The following CHSY3 variants were observed in gnomAD, a reference collection of about 807,000 sequenced individuals.
CHSY3 encodes the protein chondroitin sulfate synthase 3.
CHSY3 carries 35 observed loss-of-function variants against 67.2 expected under a neutral mutation model. That is an observed-to-expected ratio of 0.52 (90% CI 0.40 to 0.69). The LOEUF is 0.69. Ranked by LOEUF, CHSY3 falls within the 30% of genes least tolerant of loss-of-function variation. The pLI is 0.00. For synonymous variants in CHSY3, 474 were observed against 434.7 expected (o/e 1.09, Z -1.12); for missense variants, 1,069 against 1,138.5 (o/e 0.94, Z 0.88).
At chr5:130,176,880 TA>T (rs2149735250) in intron 2 of CHSY3, among the ~76,000 whole-genome samples, 1 of 152,204 alleles carries the variant, frequency 6.6e-6, no homozygotes, top group South Asian at 2.1e-4. Flanking sequence ...TTAGGATAAA[TA>T]CCTAATGTAG....
At chr5:130,042,536 A>T (rs1408358705) in intron 2 of CHSY3, among the ~76,000 whole-genome samples, 3 of 152,156 alleles carry the variant, frequency 2.0e-5, no homozygotes, top group Admixed American at 6.6e-5. Flanking sequence ...CAACCTGCAC[A>T]TATGAAACTA....
At position 130,048,123 on chromosome 5, in the gene CHSY3, T is replaced by G. The variant is rs909603594; in HGVS notation, c.1087-136106T>G. On this transcript the variant is annotated intron_variant, in intron 2 of 2. Coordinates refer to ENST00000305031, the MANE Select transcript of CHSY3 (RefSeq NM_175856.5). ...TACGGATTTAGTGTGTATATGTATG[T>G]GTATAGAGATGGGCTCTTCTGAGTT... is the stretch of plus-strand genomic sequence containing the variant. Among the ~76,000 whole-genome samples, 18 of 147,328 alleles carry G rather than the reference T, an allele frequency of 1.2e-4. 1 individual carries two copies. Among genetic ancestry groups the G allele is most frequent in the African/African-American group, 4.3e-4 (16 of 37,040 alleles).
chr5:130,053,379 A>C (rs1458101909), intron 2 of CHSY3, among the ~76,000 whole-genome samples: 5 of 152,120 alleles, frequency 3.3e-5, no homozygotes, highest in Admixed American at 2.6e-4. Flanking sequence ...TATAGGGTGA[A>C]ATGTAAGAAT....
chr5:130,021,477 A>G (rs2149654045), intron 2 of CHSY3, among the ~76,000 whole-genome samples: 1 of 152,306 alleles, frequency 6.6e-6, no homozygotes, highest in Admixed American at 6.5e-5. Flanking sequence ...GAAAATAAAA[A>G]AGAATTGTTT....
At chr5:130,057,239 C>CT (rs1181125544) in intron 2 of CHSY3, among the ~76,000 whole-genome samples, 1 of 151,778 alleles carries the variant, frequency 6.6e-6, no homozygotes, top group East Asian at 1.9e-4. Flanking sequence ...TTTAGCATTT[C>CT]TTTTTTTAAA....
At chr5:130,097,193 C>G (rs965797038) in intron 2 of CHSY3, among the ~76,000 whole-genome samples, 3 of 152,358 alleles carry the variant, frequency 2.0e-5, no homozygotes, top group Admixed American at 6.5e-5. Context: ...AGAATCGCCC[C>G]TCCAGGGCCC....
At chr5:130,030,751 A>G (rs1482514075) in intron 2 of CHSY3, among the ~76,000 whole-genome samples, 5 of 152,228 alleles carry the variant, frequency 3.3e-5, no homozygotes, top group African/African-American at 7.2e-5. Context: ...AAGTCAGGAC[A>G]GTTTTAAGAG....
chr5:130,006,755 T>G (rs1191758931), intron 2 of CHSY3, among the ~76,000 whole-genome samples: 1 of 152,174 alleles, frequency 6.6e-6, no homozygotes, highest in Middle Eastern at 3.2e-3. Context: ...ATACATTTAT[T>G]TTCAGTTGCA....
At chr5:130,140,346 G>T in intron 2 of CHSY3, 1 of 567,406 alleles carries the variant, frequency 1.8e-6, no homozygotes, top group South Asian at 2.0e-5. Flanking sequence ...TAGAATACAA[G>T]GGAGAGACAA....
Position 129,905,379 on chromosome 5 carries a change from C to T in CHSY3, c.550C>T (p.Leu184=). The change falls in exon 1 of 3, where the codon CTG becomes TTG. Residue 184 remains leucine, a synonymous_variant. Transcript: ENST00000305031. ...GGGGGTGATGACCGCGCAGAAGTAC[C>T]TGGGCAGCCGCGCGCTGGCCGCGCA... ...YVGVMTAQKY[L]GSRALAAQRT... 6.3e-7 allele frequency: 1 copy of T among 1,595,528 alleles called. No homozygotes were observed.
At chr5:130,035,067 A>G (rs1764827664) in intron 2 of CHSY3, among the ~76,000 whole-genome samples, 2 of 152,118 alleles carry the variant, frequency 1.3e-5, no homozygotes, top group African/African-American at 4.8e-5. Flanking sequence ...TGCTGGTGAG[A>G]TGGGAATGCA....
At chr5:129,907,645 CACTGA>C (rs1213440328) in intron 1 of CHSY3, among the ~76,000 whole-genome samples, 2 of 152,138 alleles carry the variant, frequency 1.3e-5, no homozygotes, top group African/African-American at 4.8e-5. Context: ...AATGGCAAAA[CACTGA>C]ACTAAACCAA....
At chr5:129,942,564 C>G (rs965502431) in intron 2 of CHSY3, among the ~76,000 whole-genome samples, 10 of 152,128 alleles carry the variant, frequency 6.6e-5, no homozygotes, top group Non-Finnish European at 1.0e-4. Flanking sequence ...GTACCAGACA[C>G]CCTGCCTAAC....
chr5:130,084,215 G>C (rs1184534508), intron 2 of CHSY3, among the ~76,000 whole-genome samples: 2 of 151,624 alleles, frequency 1.3e-5, no homozygotes, highest in Non-Finnish European at 2.9e-5. Context: ...CTAAAAATCT[G>C]CTGTCTTCAA....
At chr5:130,130,882 A>G (rs932137419) in intron 2 of CHSY3, among the ~76,000 whole-genome samples, 1 of 152,082 alleles carries the variant, frequency 6.6e-6, no homozygotes, top group African/African-American at 2.4e-5. Context: ...TGCTTTCCCT[A>G]TGTCAGTCTC....
At chr5:130,120,152 CCTCTT>C (rs1004420085) in intron 2 of CHSY3, among the ~76,000 whole-genome samples, 2 of 152,144 alleles carry the variant, frequency 1.3e-5, no homozygotes, top group African/African-American at 4.8e-5. Flanking sequence ...TTTCACTTCT[CCTCTT>C]CTCACCCACC....
At chr5:130,059,162 G>A (rs1305104690) in intron 2 of CHSY3, among the ~76,000 whole-genome samples, 2 of 152,166 alleles carry the variant, frequency 1.3e-5, no homozygotes, top group African/African-American at 4.8e-5. Flanking sequence ...AAGAGCAACA[G>A]CTGAGGTTTC....
intron 2 of CHSY3, among the ~76,000 whole-genome samples, chr5:130,125,412 G>A (rs912135298): frequency 1.0e-5 from 1 of 99,114 alleles, no homozygotes; most frequent in Non-Finnish European, 2.0e-5. Context: ...GTGAGATCCT[G>A]TCTCAGATAG....
In CHSY3 at chr5:129,994,119, A is replaced by G. The variant is rs183562923; in HGVS notation, c.1086+85759A>G. Among the ~76,000 whole-genome samples, 820 of 152,160 alleles carry G rather than the reference A, an allele frequency of 5.4e-3. 5 individuals carry two copies. The highest frequency in any genetic ancestry group is 0.019 in the African/African-American group (780 of 41,490). On this transcript the variant is annotated intron_variant, in intron 2 of 2. Coordinates refer to ENST00000305031, the MANE Select transcript of CHSY3 (RefSeq NM_175856.5). ...TGGACTTCCCCTTGTGGGTAACCCG[A>G]CCTTTCTCTCTGGCTGCCCTTAACA...
Sources: allele counts gnomAD v4.1 joint callset (sites outside exome capture counted in the v4.1 genomes callset), GRCh38; gene constraint gnomAD v4.1.1; transcripts MANE v1.5; gene names NCBI Gene and HGNC (gene_info 2026-07-23, HGNC 2026-07-21).